ADAMTS9: variants seen among roughly 807,000 people sequenced by gnomAD.
ADAMTS9 encodes the protein A disintegrin and metalloproteinase with thrombospondin motifs 9.
ADAMTS9 carries 107 observed loss-of-function variants against 257.1 expected under a neutral mutation model. The ratio of observed to expected loss-of-function variants is 0.42; its 90% CI spans 0.36 to 0.49. The LOEUF (loss-of-function observed/expected upper bound fraction) is 0.49, where lower values mean the gene tolerates loss of function less well. ADAMTS9 is among the 20% of genes least tolerant of loss of function. ADAMTS9 has a pLI of 0.03. For missense variants in ADAMTS9, 2,353 were observed against 2,469.1 expected, an observed-to-expected ratio of 0.95 and a Z score of 1.00; for synonymous variants, 982 against 880.9, an observed-to-expected ratio of 1.11 and a Z score of -2.03.
rs755494975 is a variant in ADAMTS9 at position 64,631,596 on chromosome 3, C to T, written c.2294-46G>A. 4.7e-6 allele frequency: 7 copies of T among 1,505,046 alleles called. 1 individual carries two copies. In the African/African-American group the frequency reaches 8.3e-5, roughly 18 times the overall value. The allele number at this position is 1,505,046 out of a possible 1,614,324, so 93.2% of individuals were successfully genotyped here. A position where few individuals can be genotyped will look rare whatever the true frequency, so the allele number is the denominator to read the frequency against. On this transcript the variant is annotated intron_variant, in intron 15 of 39. Coordinates refer to ENST00000498707, the MANE Select transcript of ADAMTS9 (RefSeq NM_182920.2). ...ATTCAGTACTCCACAGAATGGTTCA[C>T]TTTCTCTAAGTATGGAATAAAAAGT...
At chr3:64,657,622 G>A (rs568420711) in intron 4 of ADAMTS9, among the ~76,000 whole-genome samples, 1 of 152,146 alleles carries the variant, frequency 6.6e-6, no homozygotes, top group East Asian at 1.9e-4. Context: ...ACAGGCATGA[G>A]TGACTGCACT....
intron 39 of ADAMTS9, among the ~76,000 whole-genome samples, chr3:64,519,724 A>G (rs1381364085): frequency 6.6e-6 from 1 of 152,198 alleles, no homozygotes; most frequent in Non-Finnish European, 1.5e-5. Context: ...GATGCAGAAA[A>G]AGCATTAGAT....
rs745580038 is a variant in ADAMTS9 at position 64,648,005 on chromosome 3, C to T, written c.1645G>A (p.Val549Ile). The change falls in exon 11 of 40, where the codon GTA becomes ATA. Residue 549 changes from valine (V) to isoleucine (I), a missense_variant. Transcript: ENST00000498707. Reference protein sequence around the residue: ...RRLWCNNVNGVHKGCRTQHTP... With the variant: ...RRLWCNNVNGIHKGCRTQHTP... ...TGCTGAGTCCGGCAGCCTTTGTGTA[C>T]TCCATTGACGTTATTGCACCAGAGC... 6.2e-6 allele frequency: 10 copies of T among 1,613,510 alleles called. No individual in the cohort carries two copies. In the African/African-American group the frequency reaches 8.0e-5, roughly 13 times the overall value.
chr3:64,677,068 G>T (rs1325081381), intron 3 of ADAMTS9, among the ~76,000 whole-genome samples: 8 of 152,150 alleles, frequency 5.3e-5, no homozygotes, highest in Non-Finnish European at 1.2e-4. Flanking sequence ...ACAAGCAATG[G>T]GAAGGATCCG....
chr3:64,531,384 G>C (rs897114991), intron 38 of ADAMTS9, among the ~76,000 whole-genome samples: 2 of 150,886 alleles, frequency 1.3e-5, no homozygotes, highest in African/African-American at 4.9e-5. Context: ...ATGAATTTCA[G>C]ATAAACAACA....
chr3:64,526,061 C>A, intron 38 of ADAMTS9, among the ~76,000 whole-genome samples: 1 of 143,718 alleles, frequency 7.0e-6, no homozygotes, highest in African/African-American at 2.5e-5. Flanking sequence ...GTGTGATATG[C>A]TATACTATAT....
intron 30 of ADAMTS9, among the ~76,000 whole-genome samples, chr3:64,559,195 C>T (rs1286007553): frequency 6.6e-6 from 1 of 152,146 alleles, no homozygotes; most frequent in African/African-American, 2.4e-5. Context: ...GGTAATTGCC[C>T]AGTTACTGTC....
chr3:64,642,839 G>T (rs542396736), intron 11 of ADAMTS9, among the ~76,000 whole-genome samples: 1 of 152,258 alleles, frequency 6.6e-6, no homozygotes, highest in South Asian at 2.1e-4. Flanking sequence ...TTTATCCCCA[G>T]GGAGGACACA....
At position 64,546,958 on chromosome 3, in the gene ADAMTS9, A is replaced by G; in HGVS notation, c.4870-6T>C. Reference sequence around the variant, plus strand: ...TTTCCACAGGTCACTGAGCACTGCAAAGACAGGGATTGAGAGGAGAGGTTC... The same window carrying G: ...TTTCCACAGGTCACTGAGCACTGCAGAGACAGGGATTGAGAGGAGAGGTTC... On this transcript the variant is annotated splice_polypyrimidine_tract_variant and splice_region_variant and intron_variant, in intron 31 of 39. Transcript: ENST00000498707. The G allele has an allele frequency of 6.2e-7, 1 of 1,601,394 alleles. No individual in the cohort carries two copies.
chr3:64,681,761 A>G (rs940939502), intron 2 of ADAMTS9, among the ~76,000 whole-genome samples: 2 of 152,028 alleles, frequency 1.3e-5, no homozygotes, highest in African/African-American at 4.8e-5. Flanking sequence ...CCCAGGCTCA[A>G]TATGTTGCCT....
chr3:64,572,174 G>C (rs776454228), intron 28 of ADAMTS9, among the ~76,000 whole-genome samples: 1 of 152,152 alleles, frequency 6.6e-6, no homozygotes, highest in Non-Finnish European at 1.5e-5. Context: ...TGTAATCTCT[G>C]TTTGTTACTT....
In ADAMTS9 at chr3:64,658,741, ATTTTCTTGCTCTGG is replaced by A; in HGVS notation, c.716_729del (p.Thr239MetfsTer6). 6.2e-7 allele frequency: 1 copy of A among 1,613,148 alleles called. No individual in the cohort carries two copies. The highest frequency in any genetic ancestry group is 8.5e-7 in the Non-Finnish European group (1 of 1,179,770). On this transcript the variant is annotated frameshift_variant, in exon 4 of 40. Transcript: ENST00000498707. LOFTEE classifies it high-confidence loss of function. ...CCAGCCAGGTTAATCCTTTCTCCCC[ATTTTCTTGCTCTGG>A]TTTTCTTCTTGTCTTTACTGTGCCT...
In ADAMTS9 at chr3:64,687,550, C is replaced by G; in HGVS notation, c.108G>C (p.Pro36=). The change falls in exon 1 of 40, where the codon CCG becomes CCC. Residue 36 remains proline (P), a synonymous_variant. Coordinates refer to ENST00000498707, the MANE Select transcript of ADAMTS9 (RefSeq NM_182920.2). This position sits in a 1 kb window ranked among gnomAD's most constrained non-coding sequence, Gnocchi z 4.4. The part of the protein sequence containing the change: ...AAAVRKDRLH[P]RQVKLLETLS... ...GGGCCGGAGCCTGGTTACCTTGCCTCGGGTGCAGCCTGTCCTTGCGCACGG... is the reference window on the plus strand; with the variant it reads ...GGGCCGGAGCCTGGTTACCTTGCCTGGGGTGCAGCCTGTCCTTGCGCACGG... The G allele has an allele frequency of 6.5e-7, 1 of 1,539,658 alleles. No homozygotes were observed. Among genetic ancestry groups the G allele is most frequent in the African/African-American group, 1.4e-5 (1 of 71,854 alleles).
intron 28 of ADAMTS9, chr3:64,589,941 G>A (rs180894094): frequency 1.3e-5 from 2 of 152,294 alleles, no homozygotes; most frequent in Admixed American, 6.5e-5. Context: ...AGAATAAAGT[G>A]TAATCAAATT....
At chr3:64,680,928 G>T (rs933675075) in intron 3 of ADAMTS9, among the ~76,000 whole-genome samples, 1 of 152,132 alleles carries the variant, frequency 6.6e-6, no homozygotes, top group Non-Finnish European at 1.5e-5. Flanking sequence ...AACAGAAAAG[G>T]TGGCTCTTCC....
chr3:64,545,174 T>A (rs994616880), intron 32 of ADAMTS9, among the ~76,000 whole-genome samples: 3 of 152,184 alleles, frequency 2.0e-5, no homozygotes, highest in Non-Finnish European at 4.4e-5. Flanking sequence ...TGTAAACTAG[T>A]TCAACCATTG....
intron 22 of ADAMTS9, among the ~76,000 whole-genome samples, chr3:64,608,258 C>CAAAAAAAAA (rs57247914): frequency 3.2e-4 from 17 of 53,288 alleles, no homozygotes; most frequent in Middle Eastern, 0.019. Context: ...AAACTAAAAC[C>CAAAAAAAAA]AAAAAAAAAA....
intron 8 of ADAMTS9, among the ~76,000 whole-genome samples, chr3:64,652,757 C>T (rs75964259): frequency 0.011 from 1,664 of 152,184 alleles, 31 homozygotes; most frequent in East Asian, 0.061. Context: ...CTTTAGATGC[C>T]TTATTTCATT....
intron 3 of ADAMTS9, among the ~76,000 whole-genome samples, chr3:64,664,145 A>G (rs373476416): frequency 1.3e-5 from 2 of 152,294 alleles, no homozygotes; most frequent in East Asian, 3.9e-4. Flanking sequence ...CTTTGCTTAC[A>G]GTTTAATCAG....
Sources: gnomAD v4.1 joint callset for allele counts (sites outside exome capture counted in the v4.1 genomes callset) on GRCh38, gnomAD v4.1.1 for gene constraint, Gnocchi (gnomAD v3.1) non-coding constraint, MANE v1.5 for transcripts, NCBI Gene and HGNC (gene_info 2026-07-23, HGNC 2026-07-21) for gene names.